The following RGPD3 variants were observed in gnomAD, a reference collection of about 807,000 sequenced individuals.
RGPD3 encodes ranBP2-like and GRIP domain-containing protein 3.
RGPD3 carries 62 observed loss-of-function variants against 154.5 expected under a neutral mutation model. That is an observed-to-expected ratio of 0.40 (90% CI 0.33 to 0.50). The LOEUF (loss-of-function observed/expected upper bound fraction) is 0.50, where lower values mean the gene tolerates loss of function less well. Among genes scored for constraint, RGPD3 ranks in the 20% least tolerant of loss-of-function variants. The probability of loss-of-function intolerance (pLI) is 0.59; values close to 1 mark genes in which losing one functional copy is unlikely to be tolerated. For synonymous variants in RGPD3, 308 were observed against 607.0 expected, an observed-to-expected ratio of 0.51 and a Z score of 7.24; for missense variants, 919 against 1,716.8, an observed-to-expected ratio of 0.54 and a Z score of 8.21.
At chr2:106,409,009 AT>A (rs984011818) in intron 22 of RGPD3, among the ~76,000 whole-genome samples, 1 of 152,004 alleles carries the variant, frequency 6.6e-6, no homozygotes, top group African/African-American at 2.4e-5. Flanking sequence ...TTTTAAAAAA[AT>A]ATTCTGAATG....
chr2:106,426,735 TC>T (rs1677208970), intron 18 of RGPD3, among the ~76,000 whole-genome samples: 1 of 152,250 alleles, frequency 6.6e-6, no homozygotes, highest in Non-Finnish European at 1.5e-5. Context: ...CTACCAATAG[TC>T]ATTTGCTTGA....
At chr2:106,461,462 A>G (rs1395713182) in intron 1 of RGPD3, among the ~76,000 whole-genome samples, 2 of 152,236 alleles carry the variant, frequency 1.3e-5, no homozygotes, top group East Asian at 1.9e-4. Flanking sequence ...CTTGTGTCCT[A>G]GGTAGGACGG....
intron 1 of RGPD3, among the ~76,000 whole-genome samples, chr2:106,467,507 C>A (rs1257301080): frequency 1.9e-5 from 1 of 53,770 alleles, no homozygotes; most frequent in Non-Finnish European, 3.7e-5. Context: ...GACGCCTGAG[C>A]CATCGAGGCC....
intron 22 of RGPD3, among the ~76,000 whole-genome samples, chr2:106,409,869 TAC>T (rs1558831646): frequency 2.2e-5 from 3 of 133,822 alleles, no homozygotes; most frequent in Non-Finnish European, 1.6e-5. Context: ...TCTTGTAGTT[TAC>T]TTTTTTTTTT....
intron 1 of RGPD3, among the ~76,000 whole-genome samples, chr2:106,467,420 T>A (rs1678654611): frequency 9.6e-6 from 1 of 104,368 alleles, no homozygotes; most frequent in Non-Finnish European, 2.0e-5. Flanking sequence ...GCCTGAGCCA[T>A]CGAGGCCGCC....
At chr2:106,450,579 T>A (rs1186187444) in intron 6 of RGPD3, among the ~76,000 whole-genome samples, 2 of 125,124 alleles carry the variant, frequency 1.6e-5, no homozygotes, top group African/African-American at 5.9e-5. Flanking sequence ...GGCTTCCTGG[T>A]GGGGAACAAC....
chr2:106,405,269 T>C lies in RGPD3; in HGVS notation c.5267-40A>G, dbSNP rs755248585. On this transcript the variant is annotated intron_variant, in intron 22 of 22. Coordinates refer to ENST00000409886, the MANE Select transcript of RGPD3 (RefSeq NM_001144013.2). ...ACAAAAAAAAAGAAAAAAGAGAGTA[T>C]TAAAATTTCTCAATGTAAAATCTAT... 8 of 1,593,716 alleles carry C rather than the reference T, an allele frequency of 5.0e-6. No individual in the cohort carries two copies. In the African/African-American group the frequency reaches 5.4e-5, roughly 11 times the overall value.
At chr2:106,463,465 ACT>A (rs1335532689) in intron 1 of RGPD3, among the ~76,000 whole-genome samples, 2 of 151,688 alleles carry the variant, frequency 1.3e-5, no homozygotes, top group African/African-American at 4.8e-5. Flanking sequence ...ACAGAGCAAG[ACT>A]CTGTCCCAAA....
In RGPD3 at chr2:106,441,349, C is replaced by T. The variant is rs1677736904; in HGVS notation, c.1010G>A (p.Gly337Asp). 1.3e-6 allele frequency: 2 copies of T among 1,558,370 alleles called. No individual in the cohort carries two copies. Among genetic ancestry groups the T allele is most frequent in the Non-Finnish European group, 1.7e-6 (2 of 1,152,832 alleles). The change falls in exon 8 of 23, where the codon GGT becomes GAT. Residue 337 changes from glycine (G) to aspartate (D), a missense_variant. Gly to Asp is a moderately conservative substitution (Grantham distance 94). Transcript: ENST00000409886. ...TTCCAGCAGATTTTGTCCAGCTTCA[C>T]CTTTTATTAATTTAATCTTTGGTCT... is the stretch of plus-strand genomic sequence containing the variant. ...VPRPKIKLIK[G>D]EAGQNLLEMM... is the part of the protein sequence containing the mutation.
intron 9 of RGPD3, among the ~76,000 whole-genome samples, chr2:106,438,209 T>A (rs1171699407): frequency 6.6e-6 from 1 of 152,078 alleles, no homozygotes; most frequent in East Asian, 1.9e-4. Flanking sequence ...ATTACAGATA[T>A]GAGCCACTGT....
chr2:106,423,957 G>C lies in RGPD3; in HGVS notation c.4010C>G (p.Pro1337Arg). The C allele has an allele frequency of 1.9e-6, 3 of 1,611,740 alleles. No individual in the cohort carries two copies. Among genetic ancestry groups the C allele is most frequent in the Non-Finnish European group, 1.7e-6 (2 of 1,179,812 alleles). Reference protein sequence around the residue: ...EEERDGQYFEPVVPLPDLVEV... With the variant: ...EEERDGQYFERVVPLPDLVEV... ...AACTAGATCAGGTAAAGGAACAACA[G>C]GTTCAAAGTACTGTCCATCTCTCTC... Residue 1337 changes from proline (P) to arginine (R), a missense_variant, in exon 20 of 23, where the codon CCT (proline) becomes CGT (arginine). Pro to Arg is a moderately radical substitution (Grantham distance 103). Coordinates refer to ENST00000409886, the MANE Select transcript of RGPD3 (RefSeq NM_001144013.2).
At chr2:106,468,805 CAAAAAAAAAAA>C (rs57971663), upstream of RGPD3, among the ~76,000 whole-genome samples, 5 of 56,932 alleles carry the variant, frequency 8.8e-5, no homozygotes, top group African/African-American at 4.0e-4. Context: ...GACTCCATCT[CAAAAAAAAAAA>C]AAAAAAAAAA....
chr2:106,436,371 C>A, intron 11 of RGPD3, 43 bp downstream of exon 11: 1 of 1,609,294 alleles, frequency 6.2e-7, no homozygotes. Context: ...CCCGGTAAAA[C>A]CTACGCACTA....
chr2:106,416,062 C>T, intron 20 of RGPD3, 73 bp from the exon 21 acceptor site: 4 of 1,564,828 alleles, frequency 2.6e-6, no homozygotes, highest in South Asian at 1.2e-5. Flanking sequence ...TAAGAAAAAT[C>T]TAAATATAAA....
intron 7 of RGPD3, among the ~76,000 whole-genome samples, chr2:106,446,430 T>C (rs1355425085): frequency 2.1e-4 from 30 of 145,186 alleles, no homozygotes; most frequent in African/African-American, 6.4e-4. Flanking sequence ...ATTAGCCAGG[T>C]GTGGTGGCGG....
rs796566808 is a variant in RGPD3, at chr2:106,467,438, C to G, written c.72+779G>C. Among the ~76,000 whole-genome samples the G allele has an allele frequency of 6.9e-4, 60 of 86,686 alleles. No individual in the cohort carries two copies. The East Asian group carries it at 0.011, about 17-fold the overall frequency. The allele number at this position is 86,686 out of a possible 152,430, so 56.9% of individuals were successfully genotyped here. ...TGAGCCATCGAGGCCGCCGCCGGGCCGGGTCGAGGCCGCCGCCTCAACAGA... is the reference window on the plus strand; with the variant it reads ...TGAGCCATCGAGGCCGCCGCCGGGCGGGGTCGAGGCCGCCGCCTCAACAGA... On this transcript the variant is annotated intron_variant, in intron 1 of 22. Transcript: ENST00000409886.
At chr2:106,437,884 C>A (rs1355908750) in intron 9 of RGPD3, among the ~76,000 whole-genome samples, 1 of 152,110 alleles carries the variant, frequency 6.6e-6, no homozygotes, top group Admixed American at 6.5e-5. Context: ...CATACATAAC[C>A]ATTTAGATGA....
chr2:106,437,490 T>C (rs908152532), intron 9 of RGPD3, among the ~76,000 whole-genome samples: 1 of 152,028 alleles, frequency 6.6e-6, no homozygotes, highest in African/African-American at 2.4e-5. Flanking sequence ...CCAGCCTGGG[T>C]GACAGAGCGA....
intron 22 of RGPD3, among the ~76,000 whole-genome samples, chr2:106,411,721 G>C (rs1160740773): frequency 6.6e-6 from 1 of 152,048 alleles, no homozygotes; most frequent in Admixed American, 6.6e-5. Context: ...GGGAGGCTGA[G>C]GCAGGAGAAT....
Sources: allele counts gnomAD v4.1 joint callset (sites outside exome capture counted in the v4.1 genomes callset), GRCh38; gene constraint gnomAD v4.1.1; transcripts MANE v1.5; gene names NCBI Gene and HGNC (gene_info 2026-07-23, HGNC 2026-07-21).